The following ZNF493 variants were observed in gnomAD, a reference collection of about 807,000 sequenced individuals.
ZNF493 encodes zinc finger protein 493.
Under a neutral mutation model 12.2 loss-of-function variants are expected in ZNF493, and 11 were observed. The ratio of observed to expected loss-of-function variants is 0.90; its 90% CI spans 0.57 to 1.50. The LOEUF (loss-of-function observed/expected upper bound fraction) is 1.50. Among genes scored for constraint, ZNF493 ranks in the 40% most tolerant of loss-of-function variants. The pLI is 0.00. For missense variants in ZNF493, 950 were observed against 906.6 expected (o/e 1.05, Z -0.61); for synonymous variants, 286 against 302.6 (o/e 0.95, Z 0.57).
rs2030068073 is a variant in ZNF493, at chr19:21,405,033, T to G, written c.31-96T>G. 3.3e-6 allele frequency: 5 copies of G among 1,519,428 alleles called. No individual in the cohort carries two copies. In the Admixed American group the frequency reaches 9.1e-5, roughly 28 times the overall value. 94.1% of individuals were successfully genotyped at this position (1,519,428 alleles called of 1,614,324 possible). ...TCATTCCTGTAAGTCAGAACGAATT[T>G]TCTTTACTTTCTCATTTGACCTTAA... On this transcript the variant is annotated intron_variant, in intron 1 of 3. Transcript: ENST00000392288.
chr19:21,399,348 G>T (rs1295246020), intron 1 of ZNF493, among the ~76,000 whole-genome samples: 1 of 151,438 alleles, frequency 6.6e-6, no homozygotes, highest in African/African-American at 2.4e-5. Flanking sequence ...TTTTAGTAGA[G>T]ACAGGGTTCC....
chr19:21,404,783 A>G (rs2030058299), intron 1 of ZNF493, among the ~76,000 whole-genome samples: 1 of 151,664 alleles, frequency 6.6e-6, no homozygotes, highest in Admixed American at 6.6e-5. Context: ...GTGCCTTCTA[A>G]CTCAACATAT....
rs1470586334 is a variant in ZNF493 at position 21,423,691 on chromosome 19, T to C, written c.1032T>C (p.Thr344=). The part of the protein sequence containing the change: ...STPTKHKIIH[T]EEKSHRCEEY... ...CTACTAAACATAAGATAATTCACAC[T>C]GAAGAGAAATCCCACAGATGTGAAG... The change falls in exon 4 of 4, where the codon ACT becomes ACC. Residue 344 remains threonine, a synonymous_variant. Coordinates refer to ENST00000392288, the MANE Select transcript of ZNF493 (RefSeq NM_001076678.3). The C allele has an allele frequency of 6.2e-7, 1 of 1,613,718 alleles. No individual in the cohort carries two copies. Among genetic ancestry groups the C allele is most frequent in the Admixed American group, 1.7e-5 (1 of 59,960 alleles).
chr19:21,407,306 T>G (rs2030163885), intron 3 of ZNF493, among the ~76,000 whole-genome samples: 1 of 152,060 alleles, frequency 6.6e-6, no homozygotes, highest in Non-Finnish European at 1.5e-5. Flanking sequence ...ATTTTTTTTT[T>G]GAGATGGAGT....
chr19:21,405,051 G>T, intron 1 of ZNF493, 78 bp from the exon 2 acceptor site: 6 of 1,530,722 alleles, frequency 3.9e-6, no homozygotes, highest in South Asian at 1.3e-5. Context: ...TTTCTCATTT[G>T]ACCTTAATTC....
At chr19:21,411,303 T>G (rs1273114357) in intron 3 of ZNF493, among the ~76,000 whole-genome samples, 1 of 152,210 alleles carries the variant, frequency 6.6e-6, no homozygotes, top group Non-Finnish European at 1.5e-5. Context: ...TCTTTTTATC[T>G]TTGTGTAAGT....
At chr19:21,415,598 C>T (rs967728279) in intron 3 of ZNF493, among the ~76,000 whole-genome samples, 3 of 152,058 alleles carry the variant, frequency 2.0e-5, no homozygotes, top group African/African-American at 4.8e-5. Flanking sequence ...TCTCAAGTGG[C>T]GGCAGCACAA....
In ZNF493 at chr19:21,405,023, A is replaced by G. The variant is rs184424396; in HGVS notation, c.31-106A>G. 6,805 of 1,509,232 alleles carry G rather than the reference A, an allele frequency of 4.5e-3. 25 individuals are homozygous for G. The highest frequency in any genetic ancestry group is 5.5e-3 in the Non-Finnish European group (6,171 of 1,130,542). 93.5% of individuals were successfully genotyped at this position (1,509,232 alleles called of 1,614,324 possible). Reference sequence around the variant, plus strand: ...ATAATTTCAGTCATTCCTGTAAGTCAGAACGAATTTTCTTTACTTTCTCAT... The same window carrying G: ...ATAATTTCAGTCATTCCTGTAAGTCGGAACGAATTTTCTTTACTTTCTCAT... On this transcript the variant is annotated intron_variant, in intron 1 of 3. Coordinates refer to ENST00000392288, the MANE Select transcript of ZNF493 (RefSeq NM_001076678.3).
At chr19:21,422,212 G>A (rs1221142030) in intron 3 of ZNF493, among the ~76,000 whole-genome samples, 1 of 152,036 alleles carries the variant, frequency 6.6e-6, no homozygotes, top group African/African-American at 2.4e-5. Context: ...TGGCACTGCA[G>A]TCTCTCTACT....
chr19:21,412,239 T>C (rs2030348161), intron 3 of ZNF493: 1 of 152,158 alleles, frequency 6.6e-6, no homozygotes, highest in Admixed American at 6.5e-5. Context: ...TTATGGGAAA[T>C]GGAGGGATGG....
Position 21,425,175 on chromosome 19 carries a change from G to A in ZNF493, c.*191G>A. The A allele has an allele frequency of 6.9e-6, 5 of 728,220 alleles. No individual in the cohort carries two copies. The South Asian group carries it at 8.5e-5, about 12-fold the overall frequency. The allele number at this position is 728,220 out of a possible 1,614,324, so 45.1% of individuals were successfully genotyped here. A position where few individuals can be genotyped will look rare whatever the true frequency, so the allele number is the denominator to read the frequency against. On this transcript the variant is annotated 3_prime_UTR_variant, in exon 4 of 4. Transcript: ENST00000392288. The stretch of plus-strand genomic sequence containing the variant: ...TAAATATAAGATAATTCATATTGGA[G>A]AGAAATTCTACAGATGTGAAGAATG...
At chr19:21,404,658 G>A (rs1012676562) in intron 1 of ZNF493, among the ~76,000 whole-genome samples, 4 of 152,068 alleles carry the variant, frequency 2.6e-5, no homozygotes, top group African/African-American at 9.7e-5. Context: ...CAAACACATT[G>A]GCATTACTAG....
chr19:21,417,179 C>T (rs567247729), intron 3 of ZNF493, among the ~76,000 whole-genome samples: 13 of 152,160 alleles, frequency 8.5e-5, no homozygotes, highest in Non-Finnish European at 1.9e-4. Context: ...GGACATATTT[C>T]AGACTCAGTA....
At chr19:21,409,935 T>C (rs1161415327) in intron 3 of ZNF493, among the ~76,000 whole-genome samples, 1 of 152,084 alleles carries the variant, frequency 6.6e-6, no homozygotes, top group African/African-American at 2.4e-5. Flanking sequence ...ACTTAAGATA[T>C]ATAAGCGGAA....
chr19:21,423,115 A>T lies in ZNF493; in HGVS notation c.456A>T (p.Lys152Asn), dbSNP rs1568383377. Reference protein sequence around the residue: ...LNQYLTTTQSKIFQCDKYVKV... With the variant: ...LNQYLTTTQSNIFQCDKYVKV... ...AGTATTTGACAACTACCCAGAGCAAAATATTTCAATGTGATAAATATGTGA... is the reference window on the plus strand; with the variant it reads ...AGTATTTGACAACTACCCAGAGCAATATATTTCAATGTGATAAATATGTGA... The change falls in exon 4 of 4, where the codon AAA (lysine) becomes AAT (asparagine). Residue 152 changes from lysine (K) to asparagine (N), a missense_variant. Physicochemically the swap from Lys to Asn is moderately conservative, Grantham distance 94. Transcript: ENST00000392288. 1 of 1,613,720 alleles carries T rather than the reference A, an allele frequency of 6.2e-7. No homozygotes were observed. Among genetic ancestry groups the T allele is most frequent in the East Asian group, 2.2e-5 (1 of 44,794 alleles).
At position 21,425,370 on chromosome 19, in the gene ZNF493, C is replaced by G. The variant is rs937760176; in HGVS notation, c.*386C>G. 4.9e-6 allele frequency: 2 copies of G among 409,524 alleles called. No individual in the cohort carries two copies. Among genetic ancestry groups the G allele is most frequent in the African/African-American group, 2.1e-5 (1 of 48,414 alleles). 25.4% of individuals were successfully genotyped at this position (409,524 alleles called of 1,614,324 possible). ...GAAACCCTACAAATATGAGGAATGTCTCAAAGCTTTTTACTGATTCTTATA... is the reference window on the plus strand; with the variant it reads ...GAAACCCTACAAATATGAGGAATGTGTCAAAGCTTTTTACTGATTCTTATA... On this transcript the variant is annotated 3_prime_UTR_variant, in exon 4 of 4. Coordinates refer to ENST00000392288, the MANE Select transcript of ZNF493 (RefSeq NM_001076678.3).
At position 21,426,449 on chromosome 19, in the gene ZNF493, A is replaced by T. The variant is rs2030857917; in HGVS notation, c.*1465A>T. 6.0e-6 allele frequency: 1 copy of T among 167,766 alleles called. No homozygotes were observed. Among genetic ancestry groups the T allele is most frequent in the Non-Finnish European group, 1.5e-5 (1 of 68,610 alleles). The allele number at this position is 167,766 out of a possible 1,614,324, so 10.4% of individuals were successfully genotyped here. ...GCATGATAAGTGCAATTACTGCCAA[A>T]AGATCTTTCAGAAAATATTATCCTT... On this transcript the variant is annotated 3_prime_UTR_variant, in exon 4 of 4. Transcript: ENST00000392288.
intron 3 of ZNF493, 109 bp from the exon 4 acceptor site, chr19:21,422,804 G>T (rs2030719198): frequency 2.1e-6 from 2 of 933,148 alleles, no homozygotes; most frequent in South Asian, 2.5e-5. Flanking sequence ...TTGGTATTTT[G>T]CTATGCTATC....
At chr19:21,411,913 T>C (rs938600413) in intron 3 of ZNF493, 4 of 152,078 alleles carry the variant, frequency 2.6e-5, no homozygotes, top group African/African-American at 9.7e-5. Flanking sequence ...GTAGATTACA[T>C]TGAGCATTAT....
Sources: gnomAD v4.1 joint callset for allele counts (sites outside exome capture counted in the v4.1 genomes callset) on GRCh38, gnomAD v4.1.1 for gene constraint, MANE v1.5 for transcripts, NCBI Gene and HGNC (gene_info 2026-07-23, HGNC 2026-07-21) for gene names.